Variants in CASK observed in about 807,000 individuals in gnomAD.
The protein encoded by CASK is peripheral plasma membrane protein CASK.
A neutral mutation model predicts 82.9 loss-of-function variants in CASK; 4 were observed. The observed-to-expected ratio is 0.05, with a 90% CI of 0.02 to 0.11. The LOEUF is 0.11. CASK is among the 10% of genes least tolerant of loss of function. The pLI is 1.00. For synonymous variants in CASK, 259 were observed against 253.5 expected (o/e 1.02, Z -0.20); for missense variants, 358 against 720.9 (o/e 0.50, Z 5.76).
In CASK at chrX:41,830,736, C is replaced by T. The variant is rs761933628; in HGVS notation, c.172+22379G>A. On this transcript the variant is annotated intron_variant, in intron 2 of 26. Transcript: ENST00000378163. ...TCAGGAGGCTGAGGCAGGAGTATGG[C>T]GTGAACCCAGGAGGCGGAGCTTGCA... Among the ~76,000 whole-genome samples, 535 of 100,747 alleles carry T rather than the reference C, an allele frequency of 5.3e-3. 3 individuals are homozygous for T. The highest frequency in any genetic ancestry group is 6.8e-3 in the Non-Finnish European group (343 of 50,410). The allele number at this position is 100,747 out of a possible 115,157, so 87.5% of individuals were successfully genotyped here. A position where few individuals can be genotyped will look rare whatever the true frequency, so the allele number is the denominator to read the frequency against.
At chrX:41,891,677 T>A (rs1313130510) in intron 1 of CASK, among the ~76,000 whole-genome samples, 1 of 111,272 alleles carries the variant, frequency 9.0e-6, no homozygotes, top group African/African-American at 3.3e-5. Context: ...GATTTTTAGT[T>A]TCTGCACATC....
intron 2 of CASK, among the ~76,000 whole-genome samples, chrX:41,814,929 T>C (rs1467843469): frequency 9.0e-6 from 1 of 110,636 alleles, no homozygotes; most frequent in Non-Finnish European, 1.9e-5. Flanking sequence ...GAAAGGGAAA[T>C]GAATGGAATG....
chrX:41,691,080 A>G (rs1027180334), intron 5 of CASK, among the ~76,000 whole-genome samples: 2 of 112,503 alleles, frequency 1.8e-5, no homozygotes, highest in African/African-American at 6.5e-5. Flanking sequence ...TATGCTCTTT[A>G]AACTGAAGAC....
At chrX:41,578,614 G>T in intron 14 of CASK, 86 bp from the exon 15 acceptor site, 5 of 706,270 alleles carry the variant, frequency 7.1e-6, no homozygotes, top group South Asian at 2.6e-5. Flanking sequence ...TTTGAGACAG[G>T]GTCTCACTCT....
intron 16 of CASK, among the ~76,000 whole-genome samples, chrX:41,568,521 G>A (rs1422512865): frequency 9.0e-6 from 1 of 110,898 alleles, no homozygotes; most frequent in Non-Finnish European, 1.9e-5. Context: ...CTGGGGGTAA[G>A]GAAAGAGGTG....
At chrX:41,530,383 G>C (rs1028722070) in intron 25 of CASK, among the ~76,000 whole-genome samples, 2 of 112,129 alleles carry the variant, frequency 1.8e-5, no homozygotes, top group African/African-American at 6.5e-5. Flanking sequence ...CTCTGTGTCT[G>C]GCTCTCTTTT....
At chrX:41,573,381 G>A (rs979581534) in intron 15 of CASK, among the ~76,000 whole-genome samples, 80 of 109,913 alleles carry the variant, frequency 7.3e-4, no homozygotes, top group African/African-American at 2.5e-3. Context: ...AGTTTGGAAT[G>A]TTTTCAGGCG....
intron 5 of CASK, among the ~76,000 whole-genome samples, chrX:41,680,480 C>T (rs1269111779): frequency 9.3e-6 from 1 of 107,931 alleles, no homozygotes; most frequent in Non-Finnish European, 1.9e-5. Flanking sequence ...GACTCTGTCT[C>T]AAAAATAATA....
Position 41,574,882 on chromosome X carries a change from T to C in CASK, c.1503+3458A>G, listed in dbSNP as rs545782014. ...ACTTAATTTGTACCACTCCACAAAC[T>C]ATAACTTTGCATTGTTCCTATTTTG... On this transcript the variant is annotated intron_variant, in intron 15 of 26. Coordinates refer to ENST00000378163, the MANE Select transcript of CASK (RefSeq NM_001367721.1). 2.7e-5 allele frequency among the ~76,000 whole-genome samples: 3 copies of C among 112,459 alleles called. No individual in the cohort carries two copies. The South Asian group carries it at 1.1e-3, about 41-fold the overall frequency.
At chrX:41,891,456 T>C (rs1369409184) in intron 1 of CASK, among the ~76,000 whole-genome samples, 2 of 111,973 alleles carry the variant, frequency 1.8e-5, no homozygotes, top group Admixed American at 9.5e-5. Flanking sequence ...TTGGATGAGA[T>C]ATATAAAAGA....
At chrX:41,796,224 A>G (rs1239775540) in intron 2 of CASK, among the ~76,000 whole-genome samples, 1 of 112,887 alleles carries the variant, frequency 8.9e-6, no homozygotes, top group Non-Finnish European at 1.9e-5. Context: ...TAGCTGCATA[A>G]CCTTAGAACA....
At position 41,737,777 on chromosome X, in the gene CASK, A is replaced by C. The variant is rs193187140; in HGVS notation, c.429+1607T>G. ...GCAAAACAGTTCTTAACATAATGCT[A>C]TTACATGAACACATTTTAGGTTTTT... On this transcript the variant is annotated intron_variant, in intron 5 of 26. Transcript: ENST00000378163. 4.4e-5 allele frequency among the ~76,000 whole-genome samples: 5 copies of C among 112,603 alleles called. No homozygotes were observed. In the East Asian group the frequency reaches 1.4e-3, roughly 31 times the overall value.
chrX:41,668,471 G>A (rs888890388), intron 6 of CASK, among the ~76,000 whole-genome samples: 3 of 111,838 alleles, frequency 2.7e-5, no homozygotes, highest in Non-Finnish European at 3.8e-5. Context: ...CAATTGTGAG[G>A]AGCATGAGTG....
At chrX:41,543,808 G>A (rs1407010190) in intron 21 of CASK, among the ~76,000 whole-genome samples, 1 of 111,910 alleles carries the variant, frequency 8.9e-6, no homozygotes, top group East Asian at 2.8e-4. Context: ...ACATTGTACT[G>A]ATTTACACTC....
rs1215266415 is a variant in CASK at position 41,700,931 on chromosome X, C to CAAAAA, written c.430-29406_430-29402dup. 2.6e-3 allele frequency among the ~76,000 whole-genome samples: 97 copies of CAAAAA among 36,909 alleles called. 1 individual carries two copies. The highest frequency in any genetic ancestry group is 4.4e-3 in the African/African-American group (37 of 8,468). 32.1% of individuals were successfully genotyped at this position (36,909 alleles called of 115,157 possible). ...TGGGCGACAGAGTGAGACTCCGTCTCAAAAAAAAAAAAAAAAAAAAAAAAG... is the reference window on the plus strand; with the variant it reads ...TGGGCGACAGAGTGAGACTCCGTCTCAAAAAAAAAAAAAAAAAAAAAAAAAAAAAG... On this transcript the variant is annotated intron_variant, in intron 5 of 26. Transcript: ENST00000378163.
chrX:41,529,327 T>C (rs2064763418), intron 25 of CASK, among the ~76,000 whole-genome samples: 1 of 111,569 alleles, frequency 9.0e-6, no homozygotes. Flanking sequence ...TGCAGAGCAA[T>C]GCATGGCTGT....
chrX:41,889,321 A>AT (rs2072120662), intron 1 of CASK, among the ~76,000 whole-genome samples: 1 of 104,209 alleles, frequency 9.6e-6, no homozygotes, highest in South Asian at 4.1e-4. Flanking sequence ...TTTTTTTTTT[A>AT]TTTTTTGATT....
At chrX:41,767,745 G>T (rs759049136) in intron 3 of CASK, among the ~76,000 whole-genome samples, 3 of 111,453 alleles carry the variant, frequency 2.7e-5, no homozygotes, top group East Asian at 5.7e-4. Context: ...CTAGGTCAGG[G>T]TTATGGGTTT....
At chrX:41,734,905 T>A (rs926976760) in intron 5 of CASK, among the ~76,000 whole-genome samples, 1 of 111,951 alleles carries the variant, frequency 8.9e-6, no homozygotes, top group African/African-American at 3.2e-5. Context: ...TTATGCAGTT[T>A]TATGTGAAAC....
Sources: gnomAD v4.1 joint callset for allele counts (sites outside exome capture counted in the v4.1 genomes callset) on GRCh38, gnomAD v4.1.1 for gene constraint, MANE v1.5 for transcripts, NCBI Gene and HGNC (gene_info 2026-07-23, HGNC 2026-07-21) for gene names.